WDR72: variants seen among roughly 807,000 people sequenced by gnomAD.
The protein encoded by WDR72 is WD repeat-containing protein 72.
A neutral mutation model predicts 124.2 loss-of-function variants in WDR72; 120 were observed. The observed-to-expected ratio is 0.97, with a 90% CI of 0.83 to 1.12. The LOEUF (loss-of-function observed/expected upper bound fraction) is 1.12, where lower values mean the gene tolerates loss of function less well. WDR72 is among the 50% of genes most tolerant of loss of function. The pLI is 0.00. For missense variants in WDR72, 1,387 were observed against 1,278.8 expected, an observed-to-expected ratio of 1.08 and a Z score of -1.29; for synonymous variants, 452 against 441.7, an observed-to-expected ratio of 1.02 and a Z score of -0.29.
intron 18 of WDR72, among the ~76,000 whole-genome samples, chr15:53,532,614 G>A (rs866984018): frequency 6.6e-5 from 10 of 151,054 alleles, no homozygotes; most frequent in Middle Eastern, 6.8e-3. Flanking sequence ...GAGATAGAGA[G>A]TAGAATGATG....
At position 53,601,859 on chromosome 15, in the gene WDR72, C is replaced by G. The variant is rs145756181; in HGVS notation, c.2953-4585G>C. 1.3e-4 allele frequency among the ~76,000 whole-genome samples: 20 copies of G among 152,190 alleles called. No homozygotes were observed. The East Asian group carries it at 3.9e-3, about 29-fold the overall frequency. ...GTTCATAAAGCAAGTTCTTAGAGAC[C>G]TACAAAGAGACTTAGATCCCCACAC... On this transcript the variant is annotated intron_variant, in intron 17 of 19. Coordinates refer to ENST00000360509, the MANE Select transcript of WDR72 (RefSeq NM_182758.4).
Position 53,699,751 on chromosome 15 carries a change from T to G in WDR72, c.1764A>C (p.Thr588=), listed in dbSNP as rs757715859. The change falls in exon 13 of 20, where the codon ACA becomes ACC. Residue 588 remains threonine (T), a splice_region_variant and synonymous_variant. Coordinates refer to ENST00000360509, the MANE Select transcript of WDR72 (RefSeq NM_182758.4). ...DDSVYIWEIE[T]GTLERHETGE... The stretch of plus-strand genomic sequence containing the variant: ...GAAAGGGATAAAATTTCAACTTACC[T>G]GTTTCAATTTCCCAGATATAAACTG... 3 of 1,614,002 alleles carry G rather than the reference T, an allele frequency of 1.9e-6. No individual in the cohort carries two copies. The highest frequency in any genetic ancestry group is 2.5e-6 in the Non-Finnish European group (3 of 1,179,854).
intron 1 of WDR72, among the ~76,000 whole-genome samples, chr15:53,748,412 T>C (rs2140891260): frequency 6.6e-6 from 1 of 152,312 alleles, no homozygotes; most frequent in East Asian, 1.9e-4. Flanking sequence ...ACCTTAATCA[T>C]AAGTGTCCAT....
intron 14 of WDR72, among the ~76,000 whole-genome samples, chr15:53,640,373 G>A (rs918905932): frequency 6.6e-6 from 1 of 152,094 alleles, no homozygotes; most frequent in African/African-American, 2.4e-5. Context: ...TGATATGCTT[G>A]GATGCCATAG....
chr15:53,649,545 T>C (rs1281129439), intron 14 of WDR72, among the ~76,000 whole-genome samples: 1 of 152,024 alleles, frequency 6.6e-6, no homozygotes, highest in Non-Finnish European at 1.5e-5. Context: ...AAATATAAAT[T>C]GCTCCCAAAA....
chr15:53,610,591 T>A (rs1224446424), intron 16 of WDR72, among the ~76,000 whole-genome samples: 1 of 151,676 alleles, frequency 6.6e-6, no homozygotes, highest in Non-Finnish European at 1.5e-5. Context: ...TATATATGAA[T>A]ATATATTTAC....
intron 14 of WDR72, among the ~76,000 whole-genome samples, chr15:53,621,430 G>GAGAT (rs1555414986): frequency 8.0e-6 from 1 of 124,376 alleles, no homozygotes; most frequent in South Asian, 2.5e-4. Flanking sequence ...AAGAAACTGT[G>GAGAT]ATATATATAT....
intron 14 of WDR72, among the ~76,000 whole-genome samples, chr15:53,645,559 G>C (rs1181825868): frequency 6.6e-6 from 1 of 152,070 alleles, no homozygotes; most frequent in African/African-American, 2.4e-5. Context: ...ACTGTGCAAT[G>C]AACCTTTTGC....
chr15:53,667,759 T>C (rs690198), intron 13 of WDR72, among the ~76,000 whole-genome samples: 10,306 of 152,264 alleles, frequency 0.068, 1,190 homozygotes, highest in African/African-American at 0.24. Flanking sequence ...TTGAGAATTA[T>C]TGGGAAAGAA....
chr15:53,675,093 C>G (rs2016122077), intron 13 of WDR72, among the ~76,000 whole-genome samples: 1 of 152,178 alleles, frequency 6.6e-6, no homozygotes, highest in Non-Finnish European at 1.5e-5. Context: ...GTAACATCTA[C>G]TATGACTTTG....
chr15:53,578,634 A>T (rs2011746496), intron 18 of WDR72, among the ~76,000 whole-genome samples: 1 of 152,124 alleles, frequency 6.6e-6, no homozygotes, highest in African/African-American at 2.4e-5. Flanking sequence ...GACTAGAGAG[A>T]CATCCAAAGC....
At chr15:53,531,455 T>G (rs916588327) in intron 18 of WDR72, among the ~76,000 whole-genome samples, 1 of 152,076 alleles carries the variant, frequency 6.6e-6, no homozygotes, top group African/African-American at 2.4e-5. Context: ...TATTGAGAGA[T>G]AAATAACAGA....
In WDR72 at chr15:53,722,843, G is replaced by T; in HGVS notation, c.219C>A (p.Asp73Glu). ...ASVTCLARARDFSKQPYIVSA... is the reference protein window; with the variant it reads ...ASVTCLARAREFSKQPYIVSA... The stretch of plus-strand genomic sequence containing the variant: ...TAACAATGTAGGGCTGTTTAGAGAA[G>T]TCCCTTGCTCTTGCCAAACATGTTA... Residue 73 changes from aspartate to glutamate, a missense_variant, in exon 3 of 20, where the codon GAC becomes GAA. By Grantham distance (45) the Asp-to-Glu change is conservative (BLOSUM62 2). Transcript: ENST00000360509. 1.2e-6 allele frequency: 2 copies of T among 1,612,886 alleles called. No individual in the cohort carries two copies. Among genetic ancestry groups the T allele is most frequent in the Non-Finnish European group, 1.7e-6 (2 of 1,179,998 alleles).
intron 14 of WDR72, among the ~76,000 whole-genome samples, chr15:53,655,865 G>A (rs993799233): frequency 6.6e-6 from 1 of 152,142 alleles, no homozygotes; most frequent in African/African-American, 2.4e-5. Context: ...ACTAATTTTT[G>A]TATTTTTAGT....
chr15:53,587,928 G>C (rs2012302000), intron 18 of WDR72, among the ~76,000 whole-genome samples: 1 of 151,994 alleles, frequency 6.6e-6, no homozygotes. Context: ...ATTCTCAGGG[G>C]GTTGAAAATG....
intron 18 of WDR72, among the ~76,000 whole-genome samples, chr15:53,537,111 A>G (rs1243558314): frequency 6.6e-6 from 1 of 152,202 alleles, no homozygotes; most frequent in African/African-American, 2.4e-5. Context: ...TATACTGAGC[A>G]TGACAGTCCC....
At chr15:53,680,584 A>C (rs2016346578) in intron 13 of WDR72, among the ~76,000 whole-genome samples, 1 of 152,220 alleles carries the variant, frequency 6.6e-6, no homozygotes, top group Non-Finnish European at 1.5e-5. Context: ...TCATGGGTTA[A>C]AGCCAATTGT....
At chr15:53,742,677 A>T (rs1415866254) in intron 1 of WDR72, among the ~76,000 whole-genome samples, 2 of 152,226 alleles carry the variant, frequency 1.3e-5, no homozygotes, top group Admixed American at 6.5e-5. Context: ...TCATAGCCAC[A>T]GATAGGGATA....
chr15:53,741,209 T>A (rs773351333), intron 1 of WDR72, among the ~76,000 whole-genome samples: 1 of 152,188 alleles, frequency 6.6e-6, no homozygotes, highest in Non-Finnish European at 1.5e-5. Flanking sequence ...TATTTACAAA[T>A]GTTATTGTAT....
Sources: gnomAD v4.1 joint callset for allele counts (sites outside exome capture counted in the v4.1 genomes callset) on GRCh38, gnomAD v4.1.1 for gene constraint, MANE v1.5 for transcripts, NCBI Gene and HGNC (gene_info 2026-07-23, HGNC 2026-07-21) for gene names.